JMJD1C: variants seen among roughly 807,000 people sequenced by gnomAD.
JMJD1C encodes jumonji domain containing 1C.
In JMJD1C, 31 loss-of-function variants were observed where a neutral mutation model predicts 245.3. The observed-to-expected ratio is 0.13, with a 90% CI of 0.09 to 0.17. The LOEUF is 0.17. Ranked by LOEUF, JMJD1C falls within the 10% of genes least tolerant of loss-of-function variation. The pLI, the probability that JMJD1C is intolerant of heterozygous loss-of-function variation, is 1.00. For missense variants in JMJD1C, 2,691 were observed against 3,000.2 expected (o/e 0.90, Z 2.41); for synonymous variants, 1,057 against 1,017.4 (o/e 1.04, Z -0.74).
At chr10:63,478,538 CA>C (rs1336338577) in intron 1 of JMJD1C, among the ~76,000 whole-genome samples, 1 of 152,154 alleles carries the variant, frequency 6.6e-6, no homozygotes, top group Non-Finnish European at 1.5e-5. Context: ...TCATAAAACT[CA>C]AAAGAAACAT....
intron 1 of JMJD1C, among the ~76,000 whole-genome samples, chr10:63,434,228 A>C (rs1449370384): frequency 1.3e-5 from 2 of 152,212 alleles, no homozygotes; most frequent in Non-Finnish European, 2.9e-5. Context: ...CAGTGAGATG[A>C]ATTAGCAGAG....
At chr10:63,497,793 A>C (rs1954409454) in intron 1 of JMJD1C, among the ~76,000 whole-genome samples, 1 of 152,248 alleles carries the variant, frequency 6.6e-6, no homozygotes, top group African/African-American at 2.4e-5. Context: ...CTCCCTAAAA[A>C]ACCCTAAGTA....
At chr10:63,464,549 TC>T (rs1953047769) in intron 1 of JMJD1C, among the ~76,000 whole-genome samples, 1 of 152,168 alleles carries the variant, frequency 6.6e-6, no homozygotes, top group Admixed American at 6.5e-5. Flanking sequence ...GGAAGTCTAG[TC>T]CATGTCTTGT....
chr10:63,174,975 T>C (rs1842753002), intron 24 of JMJD1C, among the ~76,000 whole-genome samples: 2 of 152,198 alleles, frequency 1.3e-5, no homozygotes, highest in Admixed American at 1.3e-4. Context: ...TTAAATAAGG[T>C]AAATTTCACT....
chr10:63,314,510 T>C (rs1272459068), intron 2 of JMJD1C, among the ~76,000 whole-genome samples: 1 of 152,016 alleles, frequency 6.6e-6, no homozygotes, highest in Non-Finnish European at 1.5e-5. Context: ...CAGCAAGCTG[T>C]GATCATGCCA....
At chr10:63,305,365 TC>T (rs1937904564) in intron 2 of JMJD1C, among the ~76,000 whole-genome samples, 1 of 27,214 alleles carries the variant, frequency 3.7e-5, no homozygotes, top group Non-Finnish European at 7.2e-5. Flanking sequence ...AGACTCCACC[TC>T]AAAAAAAAAA....
chr10:63,375,181 G>A (rs1295819148), intron 2 of JMJD1C, among the ~76,000 whole-genome samples: 1 of 79,456 alleles, frequency 1.3e-5, no homozygotes, highest in African/African-American at 3.6e-5. Flanking sequence ...CATAAAAATT[G>A]GCTTTTTTTT....
chr10:63,323,525 G>T (rs532379674), intron 2 of JMJD1C, among the ~76,000 whole-genome samples: 1 of 152,194 alleles, frequency 6.6e-6, no homozygotes, highest in East Asian at 1.9e-4. Context: ...TTCAAAAAAA[G>T]AAAGGGGGGA....
At chr10:63,268,117 T>TAA (rs5785563) in intron 2 of JMJD1C, among the ~76,000 whole-genome samples, 2,850 of 147,174 alleles carry the variant, frequency 0.019, 36 homozygotes, top group Middle Eastern at 0.039. Flanking sequence ...AATTCCAAGT[T>TAA]AAAAAAAAAA....
In JMJD1C at chr10:63,177,810, C is replaced by A. The variant is rs967034004; in HGVS notation, c.7131G>T (p.Arg2377Ser). The part of the protein sequence containing the change: ...FEEEDLDDIL[R>S]KRLKDSSEIP... ...TTTCACTTGAGTCCTTCAATCTTTT[C>A]CTTAAAATGTCATCCAAATCTTCTT... Residue 2377 changes from arginine (R) to serine (S), a missense_variant, in exon 23 of 26, where the codon AGG becomes AGT. This residue lies in a region of JMJD1C where 232 missense variants were observed against 416.1 expected (regional missense o/e 0.56). Transcript: ENST00000399262. 2 of 1,613,598 alleles carry A rather than the reference C, an allele frequency of 1.2e-6. No homozygotes were observed. The highest frequency in any genetic ancestry group is 1.7e-6 in the Non-Finnish European group (2 of 1,179,756).
chr10:63,250,035 G>C (rs977409272), intron 3 of JMJD1C, among the ~76,000 whole-genome samples: 1 of 151,766 alleles, frequency 6.6e-6, no homozygotes, highest in African/African-American at 2.4e-5. Context: ...TAAGAGACAG[G>C]GTTTCCCTCT....
At chr10:63,186,942 C>G (rs1385245221) in intron 18 of JMJD1C, among the ~76,000 whole-genome samples, 4 of 152,136 alleles carry the variant, frequency 2.6e-5, no homozygotes, top group Non-Finnish European at 1.5e-5. Context: ...CTTGTAGTCC[C>G]AGCTCCCAAG....
Position 63,396,053 on chromosome 10 carries a change from AAAGT to A in JMJD1C, c.169-15575_169-15572del, listed in dbSNP as rs149301021. Among the ~76,000 whole-genome samples, 186 of 152,276 alleles carry A rather than the reference AAAGT, an allele frequency of 1.2e-3. 1 individual carries two copies. In the East Asian group the frequency reaches 0.017, roughly 14 times the overall value. ...ATTTGTCCTAATTTATAAATTTTTA[AAAGT>A]AAGTAAATTTTACTCTAATTAAAAA... On this transcript the variant is annotated intron_variant, in intron 1 of 25. Transcript: ENST00000399262.
rs191181771 is a variant in JMJD1C at position 63,453,999 on chromosome 10, A to C, written c.168+11496T>G. Among the ~76,000 whole-genome samples the C allele has an allele frequency of 3.5e-4, 54 of 152,304 alleles. 1 individual carries two copies. The highest frequency in any genetic ancestry group is 1.1e-3 in the African/African-American group (47 of 41,568). ...CAGCCTCCCAGAGTGCTGGGATTAC[A>C]GGCTTGAGCCACTGCACCCGGCCTC... On this transcript the variant is annotated intron_variant, in intron 1 of 25. Coordinates refer to ENST00000399262, the MANE Select transcript of JMJD1C (RefSeq NM_032776.3).
intron 2 of JMJD1C, among the ~76,000 whole-genome samples, chr10:63,279,399 C>G (rs886286427): frequency 6.6e-6 from 1 of 152,032 alleles, no homozygotes; most frequent in African/African-American, 2.4e-5. Flanking sequence ...TAAGGATTAA[C>G]CTTAAATTTT....
chr10:63,452,687 G>A (rs544171480), intron 1 of JMJD1C, among the ~76,000 whole-genome samples: 1 of 152,190 alleles, frequency 6.6e-6, no homozygotes, highest in African/African-American at 2.4e-5. Flanking sequence ...CTACCCTTTG[G>A]TAGATAAATA....
At chr10:63,475,272 C>T (rs1953623898) in intron 1 of JMJD1C, among the ~76,000 whole-genome samples, 1 of 152,090 alleles carries the variant, frequency 6.6e-6, no homozygotes, top group African/African-American at 2.4e-5. Flanking sequence ...TTGTTTTATG[C>T]TTTTAAAAAA....
At chr10:63,518,807 A>G (rs1955109397) in intron 1 of JMJD1C, among the ~76,000 whole-genome samples, 1 of 152,238 alleles carries the variant, frequency 6.6e-6, no homozygotes. Context: ...CATTACAACA[A>G]TCTAAAAAAT....
chr10:63,384,580 C>G (rs1001865787), intron 1 of JMJD1C, among the ~76,000 whole-genome samples: 4 of 152,150 alleles, frequency 2.6e-5, no homozygotes, highest in African/African-American at 7.2e-5. Context: ...TACATCTCAA[C>G]AGTGGGCTTA....
Sources: allele counts gnomAD v4.1 joint callset (sites outside exome capture counted in the v4.1 genomes callset), GRCh38; gene constraint gnomAD v4.1.1; regional missense constraint gnomAD v4.1.1; transcripts MANE v1.5; gene names NCBI Gene and HGNC (gene_info 2026-07-23, HGNC 2026-07-21).